The following ADAMTS2 variants were observed in gnomAD, a reference collection of about 807,000 sequenced individuals.
ADAMTS2 encodes the protein A disintegrin and metalloproteinase with thrombospondin motifs 2.
In ADAMTS2, 50 loss-of-function variants were observed where a neutral mutation model predicts 123.0. The ratio of observed to expected loss-of-function variants is 0.41; its 90% CI spans 0.32 to 0.51. The LOEUF (loss-of-function observed/expected upper bound fraction) is 0.51. ADAMTS2 is among the 20% of genes least tolerant of loss of function. The pLI is 0.35. For missense variants in ADAMTS2, 1,494 were observed against 1,705.2 expected, an observed-to-expected ratio of 0.88 and a Z score of 2.18; for synonymous variants, 678 against 695.4, an observed-to-expected ratio of 0.98 and a Z score of 0.39.
chr5:179,259,529 A>G (rs1367472018), intron 3 of ADAMTS2, among the ~76,000 whole-genome samples: 1 of 152,226 alleles, frequency 6.6e-6, no homozygotes, highest in African/African-American at 2.4e-5. Context: ...CGCAGGGAAC[A>G]GTGGCCAAGG....
At chr5:179,295,068 A>G (rs1298350733) in intron 2 of ADAMTS2, among the ~76,000 whole-genome samples, 1 of 152,132 alleles carries the variant, frequency 6.6e-6, no homozygotes, top group Non-Finnish European at 1.5e-5. Context: ...TGAGCACCCT[A>G]CTGGAGGCTG....
intron 2 of ADAMTS2, among the ~76,000 whole-genome samples, chr5:179,330,412 C>T (rs1757451853): frequency 6.6e-6 from 1 of 152,238 alleles, no homozygotes; most frequent in African/African-American, 2.4e-5. Context: ...ACAGCGTAGT[C>T]ACCACAGCTG....
chr5:179,300,272 GAGA>G (rs1161356465), intron 2 of ADAMTS2, among the ~76,000 whole-genome samples: 1 of 152,094 alleles, frequency 6.6e-6, no homozygotes, highest in African/African-American at 2.4e-5. Flanking sequence ...ACAACTTTGG[GAGA>G]AGGATTATTC....
In ADAMTS2 at chr5:179,180,237, C is replaced by T. The variant is rs1764016305; in HGVS notation, c.975+835G>A. ...TCTGTCTGCACAGCATCCCGTGTTG[C>T]CATCCCAGGTCACTGTCCCTGGCGG... On this transcript the variant is annotated intron_variant, in intron 5 of 21. Transcript: ENST00000251582. The surrounding 1 kb of genome is among the most constrained non-coding windows in gnomAD (Gnocchi z 4.6). Among the ~76,000 whole-genome samples, 3 of 152,314 alleles carry T rather than the reference C, an allele frequency of 2.0e-5. 1 individual carries two copies. In the South Asian group the frequency reaches 6.2e-4, roughly 32 times the overall value.
chr5:179,266,821 G>C (rs953720909), intron 3 of ADAMTS2, among the ~76,000 whole-genome samples: 1 of 152,178 alleles, frequency 6.6e-6, no homozygotes, highest in African/African-American at 2.4e-5. Context: ...CAGTGGGGCT[G>C]GCTATCTGCT....
At chr5:179,142,377 A>C (rs1206922936) in intron 10 of ADAMTS2, among the ~76,000 whole-genome samples, 1 of 152,220 alleles carries the variant, frequency 6.6e-6, no homozygotes, top group East Asian at 1.9e-4. Context: ...TTAAACAGAC[A>C]GAACCAGGGA....
intron 3 of ADAMTS2, among the ~76,000 whole-genome samples, chr5:179,257,765 C>A (rs1000012677): frequency 2.0e-5 from 3 of 152,218 alleles, no homozygotes; most frequent in African/African-American, 7.2e-5. Context: ...CGGTCCTGAG[C>A]GCCGTGGGCT....
In ADAMTS2 at chr5:179,251,850, C is replaced by CT. The variant is rs1036900782; in HGVS notation, c.688+21060dup. On this transcript the variant is annotated intron_variant, in intron 3 of 21. Coordinates refer to ENST00000251582, the MANE Select transcript of ADAMTS2 (RefSeq NM_014244.5). ...ACAGGCCAAATTCAGATTACTGACA[C>CT]TTTTTTTTTAATGCAGAGATTGTCT... is the stretch of plus-strand genomic sequence containing the variant. Among the ~76,000 whole-genome samples, 55 of 150,662 alleles carry CT rather than the reference C, an allele frequency of 3.7e-4. 1 individual carries two copies. In the East Asian group the frequency reaches 0.01, roughly 28 times the overall value.
chr5:179,245,483 T>C (rs1247418820), intron 3 of ADAMTS2, among the ~76,000 whole-genome samples: 1 of 151,656 alleles, frequency 6.6e-6, no homozygotes, highest in Non-Finnish European at 1.5e-5. Flanking sequence ...AAGATGGGGG[T>C]GGGCCGGGCG....
At position 179,250,503 on chromosome 5, in the gene ADAMTS2, C is replaced by T. The variant is rs139418705; in HGVS notation, c.688+22408G>A. 4.2e-4 allele frequency among the ~76,000 whole-genome samples: 64 copies of T among 152,176 alleles called. 1 individual carries two copies. In the East Asian group the frequency reaches 7.9e-3, roughly 19 times the overall value. On this transcript the variant is annotated intron_variant, in intron 3 of 21. Coordinates refer to ENST00000251582, the MANE Select transcript of ADAMTS2 (RefSeq NM_014244.5). ...ATATAGTAAAAATTATGGAATTATG[C>T]GCCCGAAACGCTGAACTACAGCATA...
intron 4 of ADAMTS2, 42 bp downstream of exon 4, chr5:179,207,471 A>ACCCAACCCCCCCCCCC: frequency 9.7e-7 from 1 of 1,026,474 alleles, no homozygotes; most frequent in Non-Finnish European, 1.5e-6. Context: ...CCCCTGGTTG[A>ACCCAACCCCCCCCCCC]CCCTCCCCGC....
intron 10 of ADAMTS2, among the ~76,000 whole-genome samples, chr5:179,142,203 G>C (rs1763183439): frequency 6.6e-6 from 1 of 152,192 alleles, no homozygotes; most frequent in South Asian, 2.1e-4. Context: ...TCTTAGCAGT[G>C]AGCAATTAAG....
intron 3 of ADAMTS2, among the ~76,000 whole-genome samples, chr5:179,221,484 T>G (rs925871762): frequency 6.6e-6 from 1 of 152,130 alleles, no homozygotes; most frequent in African/African-American, 2.4e-5. Context: ...GCACAGTCCA[T>G]GTCTGACCAG....
intron 3 of ADAMTS2, among the ~76,000 whole-genome samples, chr5:179,251,894 G>T (rs2113470240): frequency 6.6e-6 from 1 of 151,986 alleles, no homozygotes; most frequent in South Asian, 2.1e-4. Flanking sequence ...ACCTATTTTT[G>T]ACTTATCTTG....
rs529189884 is a variant in ADAMTS2 at position 179,252,772 on chromosome 5, T to C, written c.688+20139A>G. Among the ~76,000 whole-genome samples, 6 of 152,368 alleles carry C rather than the reference T, an allele frequency of 3.9e-5. No individual in the cohort carries two copies. In the East Asian group the frequency reaches 1.2e-3, roughly 29 times the overall value. On this transcript the variant is annotated intron_variant, in intron 3 of 21. Coordinates refer to ENST00000251582, the MANE Select transcript of ADAMTS2 (RefSeq NM_014244.5). ...AATTCATCAATGTCAAGCTTATTAT[T>C]TGTGTTATTTAGAACTTCCTTATCT...
chr5:179,141,379 C>T (rs1258202070), intron 10 of ADAMTS2, among the ~76,000 whole-genome samples: 2 of 152,106 alleles, frequency 1.3e-5, no homozygotes, highest in Non-Finnish European at 2.9e-5. Flanking sequence ...GGCTGTGTTC[C>T]TTATTGGAAC....
In ADAMTS2 at chr5:179,262,209, G is replaced by C. The variant is rs905570024; in HGVS notation, c.688+10702C>G. Among the ~76,000 whole-genome samples the C allele has an allele frequency of 3.3e-5, 5 of 149,766 alleles. No individual in the cohort carries two copies. The highest frequency in any genetic ancestry group is 4.4e-5 in the Non-Finnish European group (3 of 67,790). On this transcript the variant is annotated intron_variant, in intron 3 of 21. Transcript: ENST00000251582. This position sits in a 1 kb window ranked among gnomAD's most constrained non-coding sequence, Gnocchi z 5.9. ...GCCACCCCCACCAGCACACCTGCCC[G>C]GCCACCCCCACCAGCACACCTGCCC...
intron 2 of ADAMTS2, among the ~76,000 whole-genome samples, chr5:179,282,858 G>A (rs762651118): frequency 3.3e-5 from 5 of 151,992 alleles, no homozygotes; most frequent in East Asian, 1.9e-4. Flanking sequence ...GGCGGATCAC[G>A]AGGTCAGGAG....
At chr5:179,223,459 C>T (rs1420602644) in intron 3 of ADAMTS2, among the ~76,000 whole-genome samples, 4 of 150,760 alleles carry the variant, frequency 2.7e-5, no homozygotes, top group Non-Finnish European at 5.9e-5. Context: ...CGCACACTCA[C>T]ACACGAATGC....
Sources: gnomAD v4.1 joint callset for allele counts (sites outside exome capture counted in the v4.1 genomes callset) on GRCh38, gnomAD v4.1.1 for gene constraint, Gnocchi (gnomAD v3.1) non-coding constraint, MANE v1.5 for transcripts, NCBI Gene and HGNC (gene_info 2026-07-23, HGNC 2026-07-21) for gene names.